Variants in TNRC18 observed in about 807,000 individuals in gnomAD.
TNRC18 encodes trinucleotide repeat containing 18, also known as trinucleotide repeat-containing gene 18 protein.
Under a neutral mutation model 226.7 loss-of-function variants are expected in TNRC18, and 69 were observed. The observed-to-expected ratio is 0.30, with a 90% CI of 0.25 to 0.37. The LOEUF (loss-of-function observed/expected upper bound fraction) is 0.37, where lower values mean the gene tolerates loss of function less well. Ranked by LOEUF, TNRC18 falls within the 10% of genes least tolerant of loss-of-function variation. The probability of loss-of-function intolerance (pLI) is 1.00; values close to 1 mark genes in which losing one functional copy is unlikely to be tolerated. For missense variants in TNRC18, 4,754 were observed against 4,256.6 expected (o/e 1.12, Z -3.25); for synonymous variants, 2,449 against 1,927.6 (o/e 1.27, Z -7.09).
rs1030385172 is a variant in TNRC18, at chr7:5,345,606, G to A, written c.5675C>T (p.Ala1892Val). 2.4e-5 allele frequency: 38 copies of A among 1,555,518 alleles called. 1 individual carries two copies. Among genetic ancestry groups the A allele is most frequent in the Non-Finnish European group, 1.3e-5 (15 of 1,151,158 alleles). Residue 1892 changes from alanine (A) to valine (V), a missense_variant, in exon 18 of 30, where the codon GCC (alanine) becomes GTC (valine). Transcript: ENST00000430969. ...GPSLSVVQLE[A>V]KQKARKKEER... is the part of the protein sequence containing the mutation. The stretch of plus-strand genomic sequence containing the variant: ...CTCTTTCTTCCGGGCCTTCTGCTTG[G>A]CCTCCAGCTGTACCACAGACAGGGA...
At position 5,382,546 on chromosome 7, in the gene TNRC18, G is replaced by A. The variant is rs531388622; in HGVS notation, c.2153-4522C>T. ...TTGCTCTCCAGGGGTCCGGGGAAGC[G>A]GATCGGGGGGGAGTGACTGGATAGA... On this transcript the variant is annotated intron_variant, in intron 5 of 29. Coordinates refer to ENST00000430969, the MANE Select transcript of TNRC18 (RefSeq NM_001080495.3). Among the ~76,000 whole-genome samples the A allele has an allele frequency of 2.7e-3, 413 of 151,544 alleles. 2 individuals are homozygous for A. Among genetic ancestry groups the A allele is most frequent in the Non-Finnish European group, 4.3e-3 (291 of 67,998 alleles).
intron 16 of TNRC18, among the ~76,000 whole-genome samples, chr7:5,354,660 C>A (rs1792156545): frequency 6.6e-6 from 1 of 152,140 alleles, no homozygotes; most frequent in African/African-American, 2.4e-5. Flanking sequence ...GTCCTCAGCA[C>A]AGAAGGCATG....
intron 21 of TNRC18, among the ~76,000 whole-genome samples, chr7:5,321,467 G>A (rs1788351007): frequency 6.6e-6 from 1 of 152,060 alleles, no homozygotes; most frequent in African/African-American, 2.4e-5. Context: ...CCAGGTGGGT[G>A]TGAACCCAGA....
Position 5,351,826 on chromosome 7 carries a change from A to G in TNRC18, c.5463T>C (p.Phe1821=). 1 of 1,585,472 alleles carries G rather than the reference A, an allele frequency of 6.3e-7. No individual in the cohort carries two copies. The highest frequency in any genetic ancestry group is 8.6e-7 in the Non-Finnish European group (1 of 1,166,736). The part of the protein sequence containing the change: ...SSFSDSSEES[F]DQDESSEEED... The stretch of plus-strand genomic sequence containing the variant: ...GTGTTTGGAGCTAGTAACCTTGGTC[A>G]AACGATTCCTCCGAAGAGTCGCTGA... Residue 1821 remains phenylalanine (F), a synonymous_variant, in exon 17 of 30, where the codon TTT becomes TTC. Transcript: ENST00000430969.
At chr7:5,342,947 C>T (rs758623025) in intron 18 of TNRC18, among the ~76,000 whole-genome samples, 4 of 152,188 alleles carry the variant, frequency 2.6e-5, no homozygotes, top group Non-Finnish European at 5.9e-5. Flanking sequence ...CCATCAACAT[C>T]GAGGCAAGAC....
At position 5,309,403 on chromosome 7, in the gene TNRC18, G is replaced by A. The variant is rs752471174; in HGVS notation, c.8389-35C>T. The A allele has an allele frequency of 1.5e-5, 24 of 1,563,698 alleles. No homozygotes were observed. The highest frequency in any genetic ancestry group is 9.3e-5 in the Admixed American group (5 of 53,930). On this transcript the variant is annotated intron_variant, in intron 27 of 29. Coordinates refer to ENST00000430969, the MANE Select transcript of TNRC18 (RefSeq NM_001080495.3). The surrounding 1 kb of genome is among the most constrained non-coding windows in gnomAD (Gnocchi z 5.7). ...CACGTGTGTCACGGCACAGGCCCTG[G>A]CCCAGCCCCAAGGAGCCCGCCGCCT...
At position 5,307,815 on chromosome 7, in the gene TNRC18, A is replaced by G. The variant is rs62441156; in HGVS notation, c.*291T>C. 116,555 of 464,662 alleles carry G rather than the reference A, an allele frequency of 0.25. 15,863 individuals are homozygous for G. Among genetic ancestry groups the G allele is most frequent in the Admixed American group, 0.42 (11,652 of 27,914 alleles). 28.8% of individuals were successfully genotyped at this position (464,662 alleles called of 1,614,324 possible). ...AGGGCCGGCCTGGCCAAGTGCTTGC[A>G]ACGTGCTGGGCAGGAAGGGCCGGTC... On this transcript the variant is annotated 3_prime_UTR_variant, in exon 30 of 30. Coordinates refer to ENST00000430969, the MANE Select transcript of TNRC18 (RefSeq NM_001080495.3).
At position 5,377,312 on chromosome 7, in the gene TNRC18, A is replaced by ACCCCCCCCCCCCCCC; in HGVS notation, c.2461+58_2461+59insGGGGGGGGGGGGGGG. ...AGCCAGCCCTGAGCTCTTGTCCTGCACCCGCCCCCTCCCACCCCTCCCTCA... is the reference window on the plus strand; with the variant it reads ...AGCCAGCCCTGAGCTCTTGTCCTGCACCCCCCCCCCCCCCCCCCGCCCCCTCCCACCCCTCCCTCA... On this transcript the variant is annotated intron_variant, in intron 7 of 29. Transcript: ENST00000430969. The surrounding 1 kb of genome is among the most constrained non-coding windows in gnomAD (Gnocchi z 5.8). 1.6e-5 allele frequency: 21 copies of ACCCCCCCCCCCCCCC among 1,295,634 alleles called. No individual in the cohort carries two copies. Among genetic ancestry groups the ACCCCCCCCCCCCCCC allele is most frequent in the East Asian group, 5.2e-5 (2 of 38,790 alleles). The allele number at this position is 1,295,634 out of a possible 1,614,324, so 80.3% of individuals were successfully genotyped here.
intron 2 of TNRC18, among the ~76,000 whole-genome samples, chr7:5,410,310 CAAAAAAAAAA>C (rs1157425008): frequency 1.5e-5 from 1 of 66,220 alleles, no homozygotes; most frequent in African/African-American, 4.2e-5. Context: ...GACTCTGTCT[CAAAAAAAAAA>C]AAAAAAAAAA....
chr7:5,318,315 G>A (rs1385833049), intron 24 of TNRC18, among the ~76,000 whole-genome samples: 1 of 152,082 alleles, frequency 6.6e-6, no homozygotes, highest in Non-Finnish European at 1.5e-5. Flanking sequence ...CACCGCAGCT[G>A]GTGGACAATT....
intron 2 of TNRC18, among the ~76,000 whole-genome samples, chr7:5,410,860 CAAAA>C (rs34320785): frequency 3.0e-4 from 11 of 37,172 alleles, no homozygotes; most frequent in South Asian, 1.4e-3. Flanking sequence ...GACTCCATCT[CAAAA>C]AAAAAAAAAA....
intron 14 of TNRC18, among the ~76,000 whole-genome samples, chr7:5,359,775 G>C (rs1583906149): frequency 6.6e-6 from 1 of 152,266 alleles, no homozygotes; most frequent in Middle Eastern, 3.4e-3. Flanking sequence ...GAGAGTTTAA[G>C]GTGAAAGAAG....
chr7:5,336,935 A>T (rs954597658), intron 18 of TNRC18, among the ~76,000 whole-genome samples: 1 of 152,236 alleles, frequency 6.6e-6, no homozygotes, highest in Non-Finnish European at 1.5e-5. Context: ...ACAGGAAAAG[A>T]AAGAACAAGA....
chr7:5,316,777 G>A (rs920960420), intron 24 of TNRC18, among the ~76,000 whole-genome samples: 2 of 152,212 alleles, frequency 1.3e-5, no homozygotes, highest in Admixed American at 6.5e-5. Flanking sequence ...CGGGATGAAC[G>A]TGCAGGAACG....
At chr7:5,380,975 G>A (rs1398215942) in intron 5 of TNRC18, among the ~76,000 whole-genome samples, 3 of 152,180 alleles carry the variant, frequency 2.0e-5, no homozygotes, top group African/African-American at 7.2e-5. Flanking sequence ...CGTGCCCCCA[G>A]AAGAGGCAGG....
Position 5,325,258 on chromosome 7 carries a change from G to T in TNRC18, c.6148-10C>A. ...CTTTCCCTTTCTTCTTCTGGAGGAG[G>T]AAGCAGCAGAGAGGAGCCATCAAAC... On this transcript the variant is annotated splice_polypyrimidine_tract_variant and intron_variant, in intron 19 of 29. Coordinates refer to ENST00000430969, the MANE Select transcript of TNRC18 (RefSeq NM_001080495.3). 1 of 1,548,910 alleles carries T rather than the reference G, an allele frequency of 6.5e-7. No homozygotes were observed. Among genetic ancestry groups the T allele is most frequent in the Non-Finnish European group, 8.7e-7 (1 of 1,153,384 alleles).
intron 18 of TNRC18, 136 bp downstream of exon 18, chr7:5,345,425 GC>G (rs1276111999): frequency 2.4e-6 from 2 of 849,640 alleles, no homozygotes; most frequent in East Asian, 5.4e-5. Flanking sequence ...CACGGGGCTG[GC>G]CCACGAGGCT....
Position 5,398,155 on chromosome 7 carries a change from C to G in TNRC18, c.188-3560G>C, listed in dbSNP as rs1024071531. Among the ~76,000 whole-genome samples, 55 of 150,716 alleles carry G rather than the reference C, an allele frequency of 3.6e-4. 1 individual carries two copies. The highest frequency in any genetic ancestry group is 1.8e-4 in the Non-Finnish European group (12 of 67,572). ...AGCTGGGACCACAGGCACACATCAT[C>G]AGGCCCAGCAAAAAAAAATTTTTTT... On this transcript the variant is annotated intron_variant, in intron 2 of 29. Coordinates refer to ENST00000430969, the MANE Select transcript of TNRC18 (RefSeq NM_001080495.3).
chr7:5,419,363 G>C (rs1204886655), intron 2 of TNRC18, among the ~76,000 whole-genome samples: 3 of 152,152 alleles, frequency 2.0e-5, no homozygotes, highest in African/African-American at 7.2e-5. Flanking sequence ...CCAAGCGCAG[G>C]CCCAGCCAGC....
Sources: allele counts gnomAD v4.1 joint callset (sites outside exome capture counted in the v4.1 genomes callset), GRCh38; gene constraint gnomAD v4.1.1; non-coding constraint Gnocchi (gnomAD v3.1); transcripts MANE v1.5; gene names NCBI Gene and HGNC (gene_info 2026-07-23, HGNC 2026-07-21).